MYCBP2: variants seen among roughly 807,000 people sequenced by gnomAD.
MYCBP2 encodes the protein MYC binding protein 2.
Under a neutral mutation model 525.3 loss-of-function variants are expected in MYCBP2, and 120 were observed. The ratio of observed to expected loss-of-function variants is 0.23; its 90% CI spans 0.20 to 0.27. MYCBP2 has a LOEUF of 0.27. Ranked by LOEUF, MYCBP2 falls within the 10% of genes least tolerant of loss-of-function variation. The probability of loss-of-function intolerance (pLI) is 1.00; values close to 1 mark genes in which losing one functional copy is unlikely to be tolerated. For missense variants in MYCBP2, 4,149 were observed against 5,657.1 expected, an observed-to-expected ratio of 0.73 and a Z score of 8.55; for synonymous variants, 1,894 against 1,955.8, an observed-to-expected ratio of 0.97 and a Z score of 0.83.
chr13:77,117,068 C>T (rs2154152798), intron 55 of MYCBP2, among the ~76,000 whole-genome samples: 2 of 152,014 alleles, frequency 1.3e-5, no homozygotes, highest in Admixed American at 6.6e-5. Flanking sequence ...TTGTCCTTAC[C>T]TTTAAAACTT....
At position 77,225,543 on chromosome 13, in the gene MYCBP2, C is replaced by T. The variant is rs2066138112; in HGVS notation, c.2749G>A (p.Glu917Lys). 6.2e-7 allele frequency: 1 copy of T among 1,613,448 alleles called. No individual in the cohort carries two copies. Among genetic ancestry groups the T allele is most frequent in the Non-Finnish European group, 8.5e-7 (1 of 1,179,684 alleles). Reference sequence around the variant, plus strand: ...TTGCTTGCATCCTTTTCGCCTCTTTCTCCACTTCCATCTGCAAGTGTTATA... The same window carrying T: ...TTGCTTGCATCCTTTTCGCCTCTTTTTCCACTTCCATCTGCAAGTGTTATA... Reference protein sequence around the residue: ...KRDKHKDGSGERGEKDASKIT... With the variant: ...KRDKHKDGSGKRGEKDASKIT... Residue 917 changes from glutamate to lysine, a missense_variant, in exon 19 of 83, where the codon GAA (glutamate) becomes AAA (lysine). Coordinates refer to ENST00000544440, the MANE Select transcript of MYCBP2 (RefSeq NM_015057.5).
chr13:77,115,301 C>G (rs925607027), intron 55 of MYCBP2, among the ~76,000 whole-genome samples: 1 of 151,862 alleles, frequency 6.6e-6, no homozygotes, highest in Non-Finnish European at 1.5e-5. Flanking sequence ...TCATTCTCCA[C>G]TTTGGTTCAC....
chr13:77,188,013 G>A (rs904468349), intron 30 of MYCBP2, among the ~76,000 whole-genome samples: 1 of 149,922 alleles, frequency 6.7e-6, no homozygotes, highest in Non-Finnish European at 1.5e-5. Context: ...GGAGGTTGCA[G>A]TGAGCCAAGA....
intron 55 of MYCBP2, among the ~76,000 whole-genome samples, chr13:77,117,711 A>G (rs928242929): frequency 2.6e-5 from 4 of 152,140 alleles, no homozygotes; most frequent in African/African-American, 9.7e-5. Context: ...TACTGGACAG[A>G]GCTTTGAAAA....
chr13:77,086,149 G>T (rs2044224549), intron 62 of MYCBP2, among the ~76,000 whole-genome samples: 1 of 151,392 alleles, frequency 6.6e-6, no homozygotes, highest in Non-Finnish European at 1.5e-5. Flanking sequence ...ATACTCCATG[G>T]CCATTTCTCC....
Position 77,190,410 on chromosome 13 carries a change from C to A in MYCBP2, c.4071-75G>T, listed in dbSNP as rs1207960222. The stretch of plus-strand genomic sequence containing the variant: ...ATAAGAAATTTAAGAAACATGTTTT[C>A]AAATCTTATGTCAATGAAAATGATT... On this transcript the variant is annotated intron_variant, in intron 28 of 82. Coordinates refer to ENST00000544440, the MANE Select transcript of MYCBP2 (RefSeq NM_015057.5). 4.6e-6 allele frequency: 4 copies of A among 870,442 alleles called. No homozygotes were observed. In the African/African-American group the frequency reaches 5.1e-5, roughly 11 times the overall value. The allele number at this position is 870,442 out of a possible 1,614,324, so 53.9% of individuals were successfully genotyped here.
chr13:77,310,494 T>C (rs1226701715), intron 1 of MYCBP2, among the ~76,000 whole-genome samples: 1 of 152,176 alleles, frequency 6.6e-6, no homozygotes, highest in Non-Finnish European at 1.5e-5. Context: ...AGAACAGAGC[T>C]GCATGGTTGC....
At chr13:77,316,015 T>C (rs1027218955) in intron 1 of MYCBP2, among the ~76,000 whole-genome samples, 1 of 152,034 alleles carries the variant, frequency 6.6e-6, no homozygotes, top group Non-Finnish European at 1.5e-5. Context: ...ATATCATACT[T>C]AATGATTTAA....
At chr13:77,296,186 G>A (rs939592912) in intron 2 of MYCBP2, among the ~76,000 whole-genome samples, 3 of 152,158 alleles carry the variant, frequency 2.0e-5, no homozygotes, top group Admixed American at 6.5e-5. Context: ...TTGGGAGGCC[G>A]AGGTGAGAGG....
intron 41 of MYCBP2, among the ~76,000 whole-genome samples, chr13:77,165,822 A>C (rs560633140): frequency 6.6e-6 from 1 of 152,314 alleles, no homozygotes; most frequent in East Asian, 1.9e-4. Context: ...AAGTTTCTGA[A>C]ATGAAATTGC....
Position 77,326,406 on chromosome 13 carries a change from T to C in MYCBP2, c.302+68A>G, listed in dbSNP as rs2082316062. On this transcript the variant is annotated intron_variant, in intron 1 of 82. Transcript: ENST00000544440. This position sits in a 1 kb window ranked among gnomAD's most constrained non-coding sequence, Gnocchi z 4.2. The stretch of plus-strand genomic sequence containing the variant: ...ACACGCAAGCACACACACACGCGGG[T>C]GCACGCGCGGCATGGGGCGCAAGGA... 1.4e-6 allele frequency: 2 copies of C among 1,435,036 alleles called. No individual in the cohort carries two copies. Among genetic ancestry groups the C allele is most frequent in the Non-Finnish European group, 1.8e-6 (2 of 1,084,202 alleles). 88.9% of individuals were successfully genotyped at this position (1,435,036 alleles called of 1,614,324 possible).
intron 17 of MYCBP2, among the ~76,000 whole-genome samples, chr13:77,236,517 G>A (rs1053200120): frequency 6.6e-6 from 1 of 152,000 alleles, no homozygotes; most frequent in Non-Finnish European, 1.5e-5. Context: ...ATTTTTAAAG[G>A]ATTTCACCTC....
Position 77,224,557 on chromosome 13 carries a change from T to C in MYCBP2, c.2858-25A>G, listed in dbSNP as rs540022546. 31 of 1,425,158 alleles carry C rather than the reference T, an allele frequency of 2.2e-5. No individual in the cohort carries two copies. The South Asian group carries it at 3.6e-4, about 16-fold the overall frequency. The allele number at this position is 1,425,158 out of a possible 1,614,324, so 88.3% of individuals were successfully genotyped here. ...ACTGCAACCAAAACACACAGCTTTA[T>C]TTTTTCATTATATGCATTTTACATT... On this transcript the variant is annotated intron_variant, in intron 19 of 82. Coordinates refer to ENST00000544440, the MANE Select transcript of MYCBP2 (RefSeq NM_015057.5).
intron 49 of MYCBP2, among the ~76,000 whole-genome samples, chr13:77,142,282 C>T (rs1039719569): frequency 6.6e-6 from 1 of 152,122 alleles, no homozygotes; most frequent in African/African-American, 2.4e-5. Flanking sequence ...AGTGTTAACA[C>T]TTGACAGGAA....
chr13:77,205,435 G>T, intron 25 of MYCBP2, 38 bp downstream of exon 25: 1 of 1,611,946 alleles, frequency 6.2e-7, no homozygotes, highest in South Asian at 1.1e-5. Context: ...ATATATTTCA[G>T]TTGTAAGACA....
At chr13:77,274,556 G>GC (rs2075289013) in intron 4 of MYCBP2, among the ~76,000 whole-genome samples, 1 of 152,144 alleles carries the variant, frequency 6.6e-6, no homozygotes, top group South Asian at 2.1e-4. Flanking sequence ...AAACTAAAAT[G>GC]CCACCTGTGG....
At chr13:77,078,927 T>C in intron 65 of MYCBP2, 38 bp from the exon 66 acceptor site, 1 of 1,526,926 alleles carries the variant, frequency 6.5e-7, no homozygotes, top group East Asian at 2.3e-5. Context: ...TATGCTATAT[T>C]CCTGCTTCAG....
At position 77,248,154 on chromosome 13, in the gene MYCBP2, AAG is replaced by A. The variant is rs1491045415; in HGVS notation, c.2381+2995_2381+2996del. ...CTTAAAGTATAATCAAAAAAAAAAAAAGAAGAAGAAAAGATAACAGTAACCCT... is the reference window on the plus strand; with the variant it reads ...CTTAAAGTATAATCAAAAAAAAAAAAAAGAAGAAAAGATAACAGTAACCCT... On this transcript the variant is annotated intron_variant, in intron 15 of 82. Coordinates refer to ENST00000544440, the MANE Select transcript of MYCBP2 (RefSeq NM_015057.5). Among the ~76,000 whole-genome samples, 8 of 147,786 alleles carry A rather than the reference AAG, an allele frequency of 5.4e-5. No individual in the cohort carries two copies. The East Asian group carries it at 6.0e-4, about 11-fold the overall frequency.
chr13:77,056,720 A>G (rs2038156518), intron 79 of MYCBP2, among the ~76,000 whole-genome samples: 1 of 152,186 alleles, frequency 6.6e-6, no homozygotes, highest in Non-Finnish European at 1.5e-5. Context: ...GTAGAGATGC[A>G]TGCCCTTTAA....
Sources: gnomAD v4.1 joint callset for allele counts (sites outside exome capture counted in the v4.1 genomes callset) on GRCh38, gnomAD v4.1.1 for gene constraint, Gnocchi (gnomAD v3.1) non-coding constraint, MANE v1.5 for transcripts, NCBI Gene and HGNC (gene_info 2026-07-23, HGNC 2026-07-21) for gene names.